Variants in CATSPER4 observed in about 807,000 individuals in gnomAD.
The protein encoded by CATSPER4 is cation channel sperm associated 4.
CATSPER4 carries 46 observed loss-of-function variants against 54.4 expected under a neutral mutation model. That is an observed-to-expected ratio of 0.84 (90% CI 0.67 to 1.08). CATSPER4 has a LOEUF of 1.08. Ranked by LOEUF, CATSPER4 falls within the 50% of genes least tolerant of loss-of-function variation. The probability of loss-of-function intolerance (pLI) is 0.00; values close to 1 mark genes in which losing one functional copy is unlikely to be tolerated. For synonymous variants in CATSPER4, 230 were observed against 231.9 expected (o/e 0.99, Z 0.08); for missense variants, 574 against 612.8 (o/e 0.94, Z 0.67).
At position 26,191,960 on chromosome 1, in the gene CATSPER4, A is replaced by G. The variant is rs183218258; in HGVS notation, c.357+530A>G. ...ACACTGGAGCTGAGAGTAAAGAAGT[A>G]GGATGTGATCTCAGTCACCACAACA... On this transcript the variant is annotated intron_variant, in intron 2 of 9. Transcript: ENST00000456354. 3.4e-3 allele frequency among the ~76,000 whole-genome samples: 514 copies of G among 152,240 alleles called. 5 individuals are homozygous for G. Among genetic ancestry groups the G allele is most frequent in the African/African-American group, 0.012 (495 of 41,554 alleles).
intron 3 of CATSPER4, among the ~76,000 whole-genome samples, chr1:26,197,054 C>T (rs1410036207): frequency 2.6e-5 from 4 of 151,918 alleles, no homozygotes; most frequent in African/African-American, 4.8e-5. Context: ...ACTACAGGCA[C>T]GTGCCACCAT....
intron 2 of CATSPER4, among the ~76,000 whole-genome samples, chr1:26,191,994 G>GA (rs1405245817): frequency 1.3e-5 from 2 of 151,954 alleles, no homozygotes; most frequent in South Asian, 2.1e-4. Flanking sequence ...CAAAGAAACA[G>GA]AAAAAAAGAG....
Position 26,197,743 on chromosome 1 carries a change from A to C in CATSPER4, c.517A>C (p.Ile173Leu). The C allele has an allele frequency of 6.2e-7, 1 of 1,614,036 alleles. No individual in the cohort carries two copies. Among genetic ancestry groups the C allele is most frequent in the Non-Finnish European group, 8.5e-7 (1 of 1,180,000 alleles). Residue 173 changes from isoleucine (I) to leucine (L), a missense_variant, in exon 4 of 10, where the codon ATT becomes CTT. Ile to Leu is a conservative substitution (Grantham distance 5). Transcript: ENST00000456354. ...IVFILLLRFF[I>L]NEINIPSINY... ...CTTTATCTTGCTCTTGCGGTTCTTC[A>C]TTAATGAAATCAATATTCCCTCCAT...
At chr1:26,199,437 A>G (rs1406600249) in intron 6 of CATSPER4, among the ~76,000 whole-genome samples, 1 of 151,334 alleles carries the variant, frequency 6.6e-6, no homozygotes, top group African/African-American at 2.4e-5. Flanking sequence ...GTCTCAAAAA[A>G]AAAAAAAAAA....
At position 26,198,265 on chromosome 1, in the gene CATSPER4, G is replaced by A. The variant is rs200308339; in HGVS notation, c.679-21G>A. 929 of 1,614,172 alleles carry A rather than the reference G, an allele frequency of 5.8e-4. 11 individuals are homozygous for A. In the Middle Eastern group the frequency reaches 7.9e-3, roughly 14 times the overall value. On this transcript the variant is annotated intron_variant, in intron 5 of 9. Transcript: ENST00000456354. ...CAGGCCCTTTGGTGAAGTCGGGGTG[G>A]GGCTCTTTTCTCTCTGACAGGTTTT...
chr1:26,191,390 C>T lies in CATSPER4; in HGVS notation c.317C>T (p.Ala106Val). Reference sequence around the variant, plus strand: ...CTGGCCCTGCTGCTGGTGATCAATGCCATCACCATCGCTCTCCGTACCAAC... The same window carrying T: ...CTGGCCCTGCTGCTGGTGATCAATGTCATCACCATCGCTCTCCGTACCAAC... Reference protein sequence around the residue: ...LLLALLLVINAITIALRTNSY... With the variant: ...LLLALLLVINVITIALRTNSY... Residue 106 changes from alanine to valine, a missense_variant, in exon 2 of 10, where the codon GCC (alanine) becomes GTC (valine). Physicochemically the swap from Ala to Val is moderately conservative, Grantham distance 64. Coordinates refer to ENST00000456354, the MANE Select transcript of CATSPER4 (RefSeq NM_198137.2). 6.2e-7 allele frequency: 1 copy of T among 1,614,162 alleles called. No homozygotes were observed. Among genetic ancestry groups the T allele is most frequent in the Non-Finnish European group, 8.5e-7 (1 of 1,180,010 alleles).
chr1:26,197,558 T>G, intron 3 of CATSPER4, 128 bp from the exon 4 acceptor site: 1 of 707,908 alleles, frequency 1.4e-6, no homozygotes, highest in East Asian at 2.7e-5. Flanking sequence ...CAGCAGTGGA[T>G]GGCAGCTGAC....
intron 1 of CATSPER4, among the ~76,000 whole-genome samples, 167 bp downstream of exon 1, chr1:26,191,007 G>A (rs974280555): frequency 2.0e-5 from 3 of 151,976 alleles, no homozygotes; most frequent in Admixed American, 2.0e-4. Flanking sequence ...CTCTGGCAAT[G>A]CCCCCCATAG....
At position 26,197,100 on chromosome 1, in the gene CATSPER4, G is replaced by T. The variant is rs150498685; in HGVS notation, c.460-586G>T. 4.3e-3 allele frequency among the ~76,000 whole-genome samples: 650 copies of T among 152,046 alleles called. 5 individuals carry two copies. Among genetic ancestry groups the T allele is most frequent in the African/African-American group, 0.015 (616 of 41,450 alleles). Reference sequence around the variant, plus strand: ...TTTTTGTATTTTTAGTAGAGATGGAGTTTCACCATGTTGGCCAGGCTGGTC... The same window carrying T: ...TTTTTGTATTTTTAGTAGAGATGGATTTTCACCATGTTGGCCAGGCTGGTC... On this transcript the variant is annotated intron_variant, in intron 3 of 9. Transcript: ENST00000456354.
chr1:26,202,473 A>G lies in CATSPER4; in HGVS notation c.1366-16A>G, dbSNP rs1569914164. 1.2e-6 allele frequency: 2 copies of G among 1,609,522 alleles called. No homozygotes were observed. Among genetic ancestry groups the G allele is most frequent in the Non-Finnish European group, 1.7e-6 (2 of 1,177,654 alleles). ...GGGGGAGTGGGGGATTAACAAGAAGACCTCTTGGTTTGCAGGTTCATGACT... is the reference window on the plus strand; with the variant it reads ...GGGGGAGTGGGGGATTAACAAGAAGGCCTCTTGGTTTGCAGGTTCATGACT... On this transcript the variant is annotated splice_polypyrimidine_tract_variant and intron_variant, in intron 9 of 9. Transcript: ENST00000456354.
At position 26,201,310 on chromosome 1, in the gene CATSPER4, C is replaced by T. The variant is rs778928926; in HGVS notation, c.1200-44C>T. On this transcript the variant is annotated intron_variant, in intron 8 of 9. Coordinates refer to ENST00000456354, the MANE Select transcript of CATSPER4 (RefSeq NM_198137.2). ...GGGAAGAGGTGGGAGGGCTGCTTCCCTCCCCTGAGGCCTTCTGAAAGGCAC... is the reference window on the plus strand; with the variant it reads ...GGGAAGAGGTGGGAGGGCTGCTTCCTTCCCCTGAGGCCTTCTGAAAGGCAC... 22 of 1,604,662 alleles carry T rather than the reference C, an allele frequency of 1.4e-5. No homozygotes were observed. In the South Asian group the frequency reaches 1.9e-4, roughly 14 times the overall value.
chr1:26,200,170 A>C, intron 7 of CATSPER4, 112 bp downstream of exon 7: 2 of 1,279,002 alleles, frequency 1.6e-6, no homozygotes, highest in South Asian at 2.9e-5. Flanking sequence ...GGAGAAAGCC[A>C]AGTTGGAGGC....
At chr1:26,198,614 C>G (rs1015869949) in intron 6 of CATSPER4, among the ~76,000 whole-genome samples, 195 bp downstream of exon 6, 1 of 152,196 alleles carries the variant, frequency 6.6e-6, no homozygotes, top group Non-Finnish European at 1.5e-5. Context: ...CCTTGAATCT[C>G]CATATATTCA....
At chr1:26,191,557 C>A in intron 2 of CATSPER4, 127 bp downstream of exon 2, 2 of 1,084,616 alleles carry the variant, frequency 1.8e-6, no homozygotes, top group Non-Finnish European at 2.7e-6. Context: ...GGTCTGTCAG[C>A]TCTGACCTTC....
At chr1:26,191,656 CAGG>C (rs1404621895) in intron 2 of CATSPER4, among the ~76,000 whole-genome samples, 1 of 152,146 alleles carries the variant, frequency 6.6e-6, no homozygotes, top group Non-Finnish European at 1.5e-5. Context: ...ACAGGAGGGA[CAGG>C]AGAAGAATGG....
rs1191639281 is a variant in CATSPER4, at chr1:26,193,986, A to G, written c.459+98A>G. ...GGCCCTACAAACTGAGGGTGTGAGT[A>G]TGTGTGTGTGTGTAGACAGAGTGTG... On this transcript the variant is annotated intron_variant, in intron 3 of 9. Coordinates refer to ENST00000456354, the MANE Select transcript of CATSPER4 (RefSeq NM_198137.2). The G allele has an allele frequency of 6.0e-6, 5 of 831,864 alleles. No individual in the cohort carries two copies. In the East Asian group the frequency reaches 9.7e-5, roughly 16 times the overall value. 51.5% of individuals were successfully genotyped at this position (831,864 alleles called of 1,614,324 possible). A position where few individuals can be genotyped will look rare whatever the true frequency, so the allele number is the denominator to read the frequency against.
intron 2 of CATSPER4, 40 bp downstream of exon 2, chr1:26,191,470 G>A (rs750619611): frequency 1.2e-6 from 2 of 1,608,754 alleles, no homozygotes; most frequent in Non-Finnish European, 1.7e-6. Flanking sequence ...TAACCCTAAT[G>A]GGGGGCCTGG....
At chr1:26,196,018 C>T (rs1012215998) in intron 3 of CATSPER4, among the ~76,000 whole-genome samples, 3 of 152,124 alleles carry the variant, frequency 2.0e-5, no homozygotes, top group Admixed American at 6.5e-5. Context: ...TATATACCCT[C>T]GATCTTCCGT....
intron 3 of CATSPER4, among the ~76,000 whole-genome samples, chr1:26,197,433 T>G (rs1266891779): frequency 6.6e-6 from 1 of 152,238 alleles, no homozygotes; most frequent in Non-Finnish European, 1.5e-5. Flanking sequence ...GGACCAGCCA[T>G]GTATCTGTAA....
Sources: allele counts gnomAD v4.1 joint callset (sites outside exome capture counted in the v4.1 genomes callset), GRCh38; gene constraint gnomAD v4.1.1; transcripts MANE v1.5; gene names NCBI Gene and HGNC (gene_info 2026-07-23, HGNC 2026-07-21).